Variants in LRRC37A2 observed in about 807,000 individuals in gnomAD.
LRRC37A2 encodes the protein leucine-rich repeat-containing protein 37A2.
Under a neutral mutation model 68.8 loss-of-function variants are expected in LRRC37A2, and 9 were observed. The ratio of observed to expected loss-of-function variants is 0.13; its 90% CI spans 0.08 to 0.23. The LOEUF is 0.23. LRRC37A2 is among the 10% of genes least tolerant of loss of function. The probability of loss-of-function intolerance (pLI) is 1.00; values close to 1 mark genes in which losing one functional copy is unlikely to be tolerated. For synonymous variants in LRRC37A2, 63 were observed against 367.6 expected, an observed-to-expected ratio of 0.17 and a Z score of 9.48; for missense variants, 168 against 950.4, an observed-to-expected ratio of 0.18 and a Z score of 10.82.
At chr17:46,471,314 G>C in the LRRC37A2 span, among the ~76,000 whole-genome samples, 2 of 85,484 alleles carry the variant, frequency 2.3e-5, no homozygotes, top group Non-Finnish European at 6.7e-5. Context: ...TGTGCTGGCT[G>C]TTTAGTAGAA....
the LRRC37A2 span, among the ~76,000 whole-genome samples, chr17:46,911,152 G>A: frequency 0.02 from 3,037 of 152,320 alleles, 99 homozygotes; most frequent in African/African-American, 0.07. Context: ...ACTCAGTGAA[G>A]TACATAGAAT....
At chr17:46,876,506 C>A in the LRRC37A2 span, 1 of 1,613,648 alleles carries the variant, frequency 6.2e-7, no homozygotes, top group South Asian at 1.1e-5. Flanking sequence ...GGAGGACTCA[C>A]CCAGCTTCTG....
the LRRC37A2 span, among the ~76,000 whole-genome samples, chr17:46,816,119 A>ACACACACACGCACG: frequency 7.0e-3 from 1,057 of 150,638 alleles, 13 homozygotes; most frequent in African/African-American, 0.021. Flanking sequence ...ACGTACACAC[A>ACACACACACGCACG]CACACACACA....
the LRRC37A2 span, chr17:46,833,101 A>AG: frequency 5.6e-6 from 2 of 355,422 alleles, no homozygotes; most frequent in South Asian, 4.2e-5. Context: ...GAGCAAAAAG[A>AG]GGGGGAGGGT....
At chr17:46,930,693 G>A in the LRRC37A2 span, 3 of 171,146 alleles carry the variant, frequency 1.8e-5, no homozygotes, top group East Asian at 3.4e-4. Flanking sequence ...CATTACTATA[G>A]GGAATTCAAT....
the LRRC37A2 span, among the ~76,000 whole-genome samples, chr17:46,928,864 C>T: frequency 6.6e-6 from 1 of 152,164 alleles, no homozygotes; most frequent in African/African-American, 2.4e-5. Context: ...CACAGCGATG[C>T]TCAGAACTCT....
the LRRC37A2 span, among the ~76,000 whole-genome samples, chr17:47,030,076 AATAATAATAATAATC>A: frequency 2.0e-4 from 8 of 40,518 alleles, no homozygotes; most frequent in African/African-American, 2.8e-4. Context: ...TAATAATAAT[AATAATAATAATAATC>A]ATCATCATCA....
chr17:46,728,083 G>T, the LRRC37A2 span, among the ~76,000 whole-genome samples: 1 of 152,104 alleles, frequency 6.6e-6, no homozygotes, highest in Non-Finnish European at 1.5e-5. Flanking sequence ...ACCTCAGGGG[G>T]CCTGCGAGTA....
the LRRC37A2 span, among the ~76,000 whole-genome samples, chr17:47,013,910 A>G: frequency 6.6e-6 from 1 of 152,108 alleles, no homozygotes; most frequent in Non-Finnish European, 1.5e-5. Flanking sequence ...CAAGGCAGGC[A>G]GATCACCTGA....
At chr17:46,922,512 AT>A in the LRRC37A2 span, among the ~76,000 whole-genome samples, 2 of 152,170 alleles carry the variant, frequency 1.3e-5, no homozygotes, top group South Asian at 2.1e-4. Flanking sequence ...AAGAAAAAAA[AT>A]CTATAACTAC....
chr17:46,854,754 G>A, the LRRC37A2 span, among the ~76,000 whole-genome samples: 2 of 152,118 alleles, frequency 1.3e-5, no homozygotes, highest in Non-Finnish European at 2.9e-5. Context: ...GCCACCTCCT[G>A]GGCTCAAGCA....
At chr17:46,738,710 C>G in the LRRC37A2 span, among the ~76,000 whole-genome samples, 1 of 152,206 alleles carries the variant, frequency 6.6e-6, no homozygotes, top group Non-Finnish European at 1.5e-5. Context: ...TGTCAGCTGG[C>G]CTGCCTCTGA....
chr17:46,496,560 G>A, the LRRC37A2 span, among the ~76,000 whole-genome samples: 3 of 141,362 alleles, frequency 2.1e-5, no homozygotes, highest in East Asian at 2.0e-4. Context: ...CCGAGATCAC[G>A]CCACTGCACC....
chr17:46,921,148 T>TA, the LRRC37A2 span: 7 of 152,212 alleles, frequency 4.6e-5, no homozygotes, highest in Non-Finnish European at 5.9e-5. Context: ...GAGAGAAGGT[T>TA]AGCACTCCCT....
the LRRC37A2 span, among the ~76,000 whole-genome samples, chr17:46,766,461 G>T: frequency 6.6e-6 from 1 of 151,782 alleles, no homozygotes; most frequent in Admixed American, 6.6e-5. Context: ...CTGAACAGAG[G>T]AGGAAACTGG....
chr17:46,920,472 G>A, the LRRC37A2 span, among the ~76,000 whole-genome samples: 11 of 152,218 alleles, frequency 7.2e-5, no homozygotes, highest in Admixed American at 3.3e-4. Context: ...TGGGTGGACA[G>A]TCTCTTGGGA....
At chr17:46,808,903 C>T in the LRRC37A2 span, among the ~76,000 whole-genome samples, 3 of 152,246 alleles carry the variant, frequency 2.0e-5, no homozygotes, top group East Asian at 5.8e-4. Context: ...GGCCCATCCA[C>T]CTTGAGAGAC....
chr17:46,936,799 C>T, the LRRC37A2 span: 9 of 983,908 alleles, frequency 9.1e-6, no homozygotes, highest in African/African-American at 1.4e-4. Flanking sequence ...AATACAAATA[C>T]ATTTCTCTGA....
At chr17:46,767,243 C>G in the LRRC37A2 span, among the ~76,000 whole-genome samples, 1 of 152,100 alleles carries the variant, frequency 6.6e-6, no homozygotes, top group African/African-American at 2.4e-5. Context: ...CAAAATCCAC[C>G]CGCCTTTGAT....
Sources: allele counts gnomAD v4.1 joint callset (sites outside exome capture counted in the v4.1 genomes callset), GRCh38; gene constraint gnomAD v4.1.1; transcripts MANE v1.5; gene names NCBI Gene and HGNC (gene_info 2026-07-23, HGNC 2026-07-21).